Variants in CACNA2D3 observed in about 807,000 individuals in gnomAD.
CACNA2D3 encodes voltage-dependent calcium channel subunit alpha-2/delta-3.
In CACNA2D3, 60 loss-of-function variants were observed where a neutral mutation model predicts 160.6. The ratio of observed to expected loss-of-function variants is 0.37; its 90% CI spans 0.30 to 0.46. The LOEUF (loss-of-function observed/expected upper bound fraction) is 0.46, where lower values mean the gene tolerates loss of function less well. CACNA2D3 is among the 20% of genes least tolerant of loss of function. CACNA2D3 has a pLI of 1.00. For missense variants in CACNA2D3, 1,205 were observed against 1,365.0 expected (o/e 0.88, Z 1.85); for synonymous variants, 558 against 492.9 (o/e 1.13, Z -1.75).
At chr3:54,954,964 A>G (rs765644117) in intron 27 of CACNA2D3, among the ~76,000 whole-genome samples, 4 of 152,178 alleles carry the variant, frequency 2.6e-5, no homozygotes, top group Non-Finnish European at 4.4e-5. Flanking sequence ...CTTTTATTGA[A>G]TGCTTACTGG....
chr3:54,687,121 C>CTTTTTCTTTTTTTTTTTTTTTTT, intron 11 of CACNA2D3, among the ~76,000 whole-genome samples: 4 of 94,972 alleles, frequency 4.2e-5, no homozygotes, highest in African/African-American at 1.6e-4. Context: ...TTTTCTTTTT[C>CTTTTTCTTTTTTTTTTTTTTTTT]TTTTTTTTTT....
At chr3:54,465,608 C>G (rs893060392) in intron 4 of CACNA2D3, among the ~76,000 whole-genome samples, 3 of 152,078 alleles carry the variant, frequency 2.0e-5, no homozygotes, top group Non-Finnish European at 4.4e-5. Flanking sequence ...CACTTATGAC[C>G]ACATCCAAGT....
chr3:54,663,360 C>T (rs1051368518), intron 11 of CACNA2D3, among the ~76,000 whole-genome samples: 1 of 152,168 alleles, frequency 6.6e-6, no homozygotes, highest in Non-Finnish European at 1.5e-5. Flanking sequence ...TTCTGGACTC[C>T]AGGGGCAGTG....
intron 11 of CACNA2D3, among the ~76,000 whole-genome samples, chr3:54,733,824 G>T (rs1013951817): frequency 3.9e-5 from 6 of 152,120 alleles, no homozygotes; most frequent in South Asian, 2.1e-4. Flanking sequence ...GCCTCCAGCG[G>T]TCTGAACTGT....
chr3:55,037,607 C>T (rs1301163429), intron 35 of CACNA2D3, among the ~76,000 whole-genome samples: 2 of 152,144 alleles, frequency 1.3e-5, no homozygotes, highest in East Asian at 1.9e-4. Flanking sequence ...GAGTAAACAG[C>T]GATGGATTTC....
intron 5 of CACNA2D3, among the ~76,000 whole-genome samples, chr3:54,529,647 T>A (rs1011716128): frequency 6.6e-6 from 1 of 152,178 alleles, no homozygotes; most frequent in Admixed American, 6.6e-5. Context: ...GGTGGACTGC[T>A]CGGAGGCTGG....
rs545578323 is a variant in CACNA2D3 at position 54,472,150 on chromosome 3, A to G, written c.382-31342A>G. On this transcript the variant is annotated intron_variant, in intron 4 of 37. Transcript: ENST00000474759. The stretch of plus-strand genomic sequence containing the variant: ...GAACATCGATGCAAAAATCCTCAAT[A>G]AAATACTGGCAAACCAAATCCAGCA... Among the ~76,000 whole-genome samples, 3 of 152,344 alleles carry G rather than the reference A, an allele frequency of 2.0e-5. No homozygotes were observed. In the Middle Eastern group the frequency reaches 0.01, roughly 518 times the overall value.
chr3:54,331,401 G>C (rs1024853506), intron 3 of CACNA2D3, among the ~76,000 whole-genome samples: 2 of 152,130 alleles, frequency 1.3e-5, no homozygotes, highest in African/African-American at 4.8e-5. Flanking sequence ...GCATTAGTCA[G>C]ATTAGGGTTA....
intron 2 of CACNA2D3, among the ~76,000 whole-genome samples, chr3:54,193,734 A>G (rs1701021953): frequency 6.6e-6 from 1 of 152,196 alleles, no homozygotes; most frequent in Non-Finnish European, 1.5e-5. Context: ...CAGGAAGAAT[A>G]TTCTCCTTCG....
chr3:55,000,669 TC>T (rs1354943935), intron 31 of CACNA2D3, among the ~76,000 whole-genome samples: 1 of 152,200 alleles, frequency 6.6e-6, no homozygotes, highest in Non-Finnish European at 1.5e-5. Context: ...TTGAAAATGA[TC>T]CAAGGAGAAT....
chr3:54,426,061 A>G (rs1699907922), intron 4 of CACNA2D3, among the ~76,000 whole-genome samples: 1 of 152,158 alleles, frequency 6.6e-6, no homozygotes. Context: ...GTTGAATTTC[A>G]TGACTATAAC....
chr3:54,735,333 A>G (rs189879793), intron 11 of CACNA2D3, among the ~76,000 whole-genome samples: 23 of 152,294 alleles, frequency 1.5e-4, no homozygotes, highest in Admixed American at 8.5e-4. Context: ...GATACCCACA[A>G]TCACTCCTAG....
At chr3:54,206,480 A>G (rs1162278276) in intron 2 of CACNA2D3, among the ~76,000 whole-genome samples, 2 of 152,204 alleles carry the variant, frequency 1.3e-5, no homozygotes, top group African/African-American at 4.8e-5. Context: ...TGGCTTTTCC[A>G]AATTATAATG....
intron 9 of CACNA2D3, among the ~76,000 whole-genome samples, chr3:54,595,326 GTGTGTGTGT>G (rs1559521736): frequency 1.3e-5 from 2 of 151,304 alleles, no homozygotes; most frequent in African/African-American, 2.4e-5. Flanking sequence ...GTGTGTGTGT[GTGTGTGTGT>G]GTGTGTGTGT....
At chr3:54,663,330 C>T (rs1392434110) in intron 11 of CACNA2D3, among the ~76,000 whole-genome samples, 1 of 152,180 alleles carries the variant, frequency 6.6e-6, no homozygotes, top group Non-Finnish European at 1.5e-5. Context: ...CAGTGTGGCA[C>T]CTCCTGTTGT....
rs796960958 is a variant in CACNA2D3 at position 55,074,265 on chromosome 3, A to C, written c.*59A>C. The C allele has an allele frequency of 1.4e-5, 19 of 1,402,968 alleles. No individual in the cohort carries two copies. The African/African-American group carries it at 2.4e-4, about 18-fold the overall frequency. The allele number at this position is 1,402,968 out of a possible 1,614,324, so 86.9% of individuals were successfully genotyped here. On this transcript the variant is annotated 3_prime_UTR_variant, in exon 38 of 38. Coordinates refer to ENST00000474759, the MANE Select transcript of CACNA2D3 (RefSeq NM_018398.3). ...GTTCTCTTGGCATGCTAAATCATGG[A>C]TAAACTGTGAACCAAAATATGGTGC...
chr3:54,932,683 G>A (rs533050894), intron 27 of CACNA2D3, among the ~76,000 whole-genome samples: 1 of 152,086 alleles, frequency 6.6e-6, no homozygotes, highest in Non-Finnish European at 1.5e-5. Flanking sequence ...TACGTGTGAT[G>A]AGCCCTTATA....
chr3:54,286,596 T>C (rs1703034183), intron 2 of CACNA2D3, among the ~76,000 whole-genome samples: 1 of 152,054 alleles, frequency 6.6e-6, no homozygotes, highest in South Asian at 2.1e-4. Flanking sequence ...AAGATATTCC[T>C]CGAGAAGAGC....
intron 3 of CACNA2D3, among the ~76,000 whole-genome samples, chr3:54,352,302 G>A (rs1004383312): frequency 1.2e-4 from 19 of 152,306 alleles, no homozygotes; most frequent in African/African-American, 3.8e-4. Flanking sequence ...GGATTTGTGC[G>A]AGGATAGAGT....
Sources: gnomAD v4.1 joint callset for allele counts (sites outside exome capture counted in the v4.1 genomes callset) on GRCh38, gnomAD v4.1.1 for gene constraint, MANE v1.5 for transcripts, NCBI Gene and HGNC (gene_info 2026-07-23, HGNC 2026-07-21) for gene names.